ENG: variants seen among roughly 807,000 people sequenced by gnomAD.
ENG encodes the protein CD105 antigen.
In ENG, 17 loss-of-function variants were observed where a neutral mutation model predicts 71.0. The observed-to-expected ratio is 0.24, with a 90% CI of 0.16 to 0.36. The LOEUF (loss-of-function observed/expected upper bound fraction) is 0.36. ENG is among the 10% of genes least tolerant of loss of function. The probability of loss-of-function intolerance (pLI) is 1.00; values close to 1 mark genes in which losing one functional copy is unlikely to be tolerated. For synonymous variants in ENG, 360 were observed against 366.9 expected (o/e 0.98, Z 0.21); for missense variants, 749 against 868.3 (o/e 0.86, Z 1.73).
chr9:127,820,918 T>C (rs1280750245), intron 8 of ENG, among the ~76,000 whole-genome samples: 1 of 152,138 alleles, frequency 6.6e-6, no homozygotes, highest in African/African-American at 2.4e-5. Flanking sequence ...CCTGCAAGCA[T>C]AATCCAGTCT....
At chr9:127,829,635 G>A in intron 3 of ENG, 52 bp downstream of exon 3, 1 of 1,610,406 alleles carries the variant, frequency 6.2e-7, no homozygotes, top group Non-Finnish European at 8.5e-7. Context: ...ATGGACAGTA[G>A]GGACCTCCCA....
chr9:127,816,889 G>A (rs1375345745), intron 13 of ENG: 6 of 568,128 alleles, frequency 1.1e-5, no homozygotes, highest in African/African-American at 7.5e-5. Flanking sequence ...GAGTGGAGCC[G>A]TGAGTGGGGG....
intron 2 of ENG, among the ~76,000 whole-genome samples, chr9:127,833,775 C>T (rs960069414): frequency 2.0e-5 from 3 of 152,182 alleles, no homozygotes; most frequent in African/African-American, 2.4e-5. Context: ...CCCCAACTGA[C>T]GTCACAAAGC....
At chr9:127,850,750 C>A (rs913998209) in intron 1 of ENG, among the ~76,000 whole-genome samples, 1 of 152,264 alleles carries the variant, frequency 6.6e-6, no homozygotes, top group African/African-American at 2.4e-5. Flanking sequence ...AGCCACCCAG[C>A]ACAGGCCACG....
At chr9:127,834,296 G>A (rs186396773) in intron 2 of ENG, among the ~76,000 whole-genome samples, 2 of 151,666 alleles carry the variant, frequency 1.3e-5, no homozygotes, top group East Asian at 4.0e-4. Context: ...AGGCTAGAGT[G>A]CAGCGATCTC....
At chr9:127,831,142 C>T (rs546384309) in intron 2 of ENG, among the ~76,000 whole-genome samples, 99 of 151,644 alleles carry the variant, frequency 6.5e-4, no homozygotes, top group Non-Finnish European at 1.3e-3. Context: ...TTTCAACAAC[C>T]TTAAGACGTA....
In ENG at chr9:127,842,834, C is replaced by CA. The variant is rs148797940; in HGVS notation, c.219+259dup. On this transcript the variant is annotated intron_variant, in intron 2 of 14. Coordinates refer to ENST00000373203, the MANE Select transcript of ENG (RefSeq NM_001114753.3). ...TAAGCAACACTCACCTGGTCCCCCC[C>CA]ACCCATCTGGCTCTTCTCTACTCAG... Among the ~76,000 whole-genome samples the CA allele has an allele frequency of 0.14, 20,643 of 152,160 alleles. 1,773 individuals carry two copies. Among genetic ancestry groups the CA allele is most frequent in the African/African-American group, 0.24 (9,868 of 41,458 alleles).
At position 127,828,667 on chromosome 9, in the gene ENG, C is replaced by A. The variant is rs984675339; in HGVS notation, c.360+1020G>T. Among the ~76,000 whole-genome samples, 6 of 152,282 alleles carry A rather than the reference C, an allele frequency of 3.9e-5. No homozygotes were observed. In the East Asian group the frequency reaches 1.2e-3, roughly 29 times the overall value. On this transcript the variant is annotated intron_variant, in intron 3 of 14. Coordinates refer to ENST00000373203, the MANE Select transcript of ENG (RefSeq NM_001114753.3). ...GGGATGGGCTGCAAGGAGTCAAATC[C>A]TCTTGGCCCTGGTGGTTGGATTTGG...
chr9:127,828,441 C>G (rs931561366), intron 3 of ENG, among the ~76,000 whole-genome samples: 2 of 152,180 alleles, frequency 1.3e-5, no homozygotes, highest in Non-Finnish European at 2.9e-5. Flanking sequence ...CCAGGGAGCC[C>G]GCTCGGGAAG....
chr9:127,820,436 C>T (rs1187127275), intron 8 of ENG, among the ~76,000 whole-genome samples: 1 of 151,612 alleles, frequency 6.6e-6, no homozygotes, highest in Admixed American at 6.6e-5. Context: ...CTCAGGTGAT[C>T]CACCTGCCTC....
At chr9:127,817,612 G>A in intron 12 of ENG, 1 of 363,582 alleles carries the variant, frequency 2.8e-6, no homozygotes, top group Non-Finnish European at 5.3e-6. Context: ...AATCCTGGAG[G>A]CCTGTCTGTG....
In ENG at chr9:127,815,251, A is replaced by C. The variant is rs549011956; in HGVS notation, c.*431T>G. On this transcript the variant is annotated 3_prime_UTR_variant, in exon 15 of 15. Coordinates refer to ENST00000373203, the MANE Select transcript of ENG (RefSeq NM_001114753.3). The stretch of plus-strand genomic sequence containing the variant: ...AAGTTCAGGTGTGGAGGCCGCAGGG[A>C]TAGATCCAGGTGGCTCTGGGCTGGG... The C allele has an allele frequency of 6.9e-5, 12 of 172,664 alleles. No individual in the cohort carries two copies. The South Asian group carries it at 1.7e-3, about 24-fold the overall frequency. The allele number at this position is 172,664 out of a possible 1,614,324, so 10.7% of individuals were successfully genotyped here.
chr9:127,834,182 C>T (rs1221751230), intron 2 of ENG, among the ~76,000 whole-genome samples: 1 of 152,202 alleles, frequency 6.6e-6, no homozygotes, highest in Non-Finnish European at 1.5e-5. Context: ...AAGCAATTGT[C>T]CTGCCTCAGC....
At position 127,819,956 on chromosome 9, in the gene ENG, G is replaced by A. The variant is rs751787590; in HGVS notation, c.1216C>T (p.Arg406Cys). 5.0e-6 allele frequency: 8 copies of A among 1,614,092 alleles called. No individual in the cohort carries two copies. Among genetic ancestry groups the A allele is most frequent in the East Asian group, 2.2e-5 (1 of 44,890 alleles). The change falls in exon 9 of 15, where the codon CGC (arginine) becomes TGC (cysteine). Residue 406 changes from arginine to cysteine, a missense_variant. Coordinates refer to ENST00000373203, the MANE Select transcript of ENG (RefSeq NM_001114753.3). ...AEDRGDKFVL[R>C]SAYSSCGMQV... Reference sequence around the variant, plus strand: ...ATGCCACAGCTGGAGTAAGCACTGCGCAAGACAAACTTGTCACCCCTGTCC... The same window carrying A: ...ATGCCACAGCTGGAGTAAGCACTGCACAAGACAAACTTGTCACCCCTGTCC...
chr9:127,832,159 T>C (rs1475073256), intron 2 of ENG, among the ~76,000 whole-genome samples: 1 of 136,312 alleles, frequency 7.3e-6, no homozygotes, highest in Non-Finnish European at 1.5e-5. Context: ...CACTGCAACC[T>C]CTGCCTCCTG....
At position 127,818,718 on chromosome 9, in the gene ENG, G is replaced by T. The variant is rs965119099; in HGVS notation, c.1426C>A (p.Gln476Lys). Residue 476 changes from glutamine (Q) to lysine (K), a missense_variant and splice_region_variant, in exon 11 of 15, where the codon CAG (glutamine) becomes AAG (lysine). By Grantham distance (53) the Gln-to-Lys change is moderately conservative. Coordinates refer to ENST00000373203, the MANE Select transcript of ENG (RefSeq NM_001114753.3). ...TIEPGQQSFV[Q>K]VRVSPSVSEF... is the part of the protein sequence containing the mutation. ...GGGGTGACAGGCATGCCAGGTACCT[G>T]CACAAAGCTCTGCTGCCCCGGCTCG... The T allele has an allele frequency of 3.1e-6, 5 of 1,614,018 alleles. No homozygotes were observed. The highest frequency in any genetic ancestry group is 4.2e-6 in the Non-Finnish European group (5 of 1,179,928).
At position 127,825,019 on chromosome 9, in the gene ENG, CTG is replaced by C. The variant is rs1830572705; in HGVS notation, c.817-47_817-46del. Reference sequence around the variant, plus strand: ...CAGAACAGGGGGCCATGGACACAGTCTGTGCCACAGCAGGCCAGCCAGGGTTA... The same window carrying C: ...CAGAACAGGGGGCCATGGACACAGTCTGCCACAGCAGGCCAGCCAGGGTTA... On this transcript the variant is annotated intron_variant, in intron 6 of 14. Transcript: ENST00000373203. 2.5e-6 allele frequency: 4 copies of C among 1,602,416 alleles called. No homozygotes were observed. The South Asian group carries it at 4.5e-5, about 18-fold the overall frequency.
intron 2 of ENG, among the ~76,000 whole-genome samples, chr9:127,839,230 A>T (rs1220654480): frequency 6.6e-6 from 1 of 152,120 alleles, no homozygotes; most frequent in Non-Finnish European, 1.5e-5. Flanking sequence ...AGGGCTGCTG[A>T]TGCCACCTCT....
chr9:127,854,347 G>A lies in ENG; in HGVS notation c.9C>T (p.Arg3=), dbSNP rs752431673. The A allele has an allele frequency of 1.9e-5, 30 of 1,590,840 alleles. No homozygotes were observed. Among genetic ancestry groups the A allele is most frequent in the Middle Eastern group, 3.3e-4 (2 of 6,040 alleles). The change falls in exon 1 of 15, where the codon CGC becomes CGT. Residue 3 remains arginine, a synonymous_variant. Transcript: ENST00000373203. ...GGGCAACAGCCAGAGGGAGCGTGCC[G>A]CGGTCCATGCTGTCCACGTGGGGGC... MD[R]GTLPLAVALL...
Sources: allele counts gnomAD v4.1 joint callset (sites outside exome capture counted in the v4.1 genomes callset), GRCh38; gene constraint gnomAD v4.1.1; transcripts MANE v1.5; gene names NCBI Gene and HGNC (gene_info 2026-07-23, HGNC 2026-07-21).